The following PPL variants were observed in gnomAD, a reference collection of about 807,000 sequenced individuals.
PPL encodes 190 kDa paraneoplastic pemphigus antigen.
PPL carries 198 observed loss-of-function variants against 194.4 expected under a neutral mutation model. That is an observed-to-expected ratio of 1.02 (90% confidence interval 0.91 to 1.15). PPL has a LOEUF of 1.15. Among genes scored for constraint, PPL ranks in the 50% most tolerant of loss-of-function variants. The pLI is 0.00. For synonymous variants in PPL, 1,220 were observed against 972.4 expected (o/e 1.25, Z -4.74); for missense variants, 2,885 against 2,294.8 (o/e 1.26, Z -5.25).
chr16:4,925,093 T>C (rs1370417275), intron 1 of PPL, among the ~76,000 whole-genome samples: 3 of 152,136 alleles, frequency 2.0e-5, no homozygotes, highest in East Asian at 3.9e-4. Flanking sequence ...TGGGTGTGTA[T>C]TGGGGTTGCA....
At chr16:4,936,957 G>A (rs1157374962) in intron 1 of PPL, 27 bp downstream of exon 1, 5 of 1,579,758 alleles carry the variant, frequency 3.2e-6, no homozygotes, top group South Asian at 1.1e-5. Context: ...AGAGCGTCCC[G>A]GAGCGGAGCT....
At chr16:4,921,316 C>T (rs1057455708) in intron 1 of PPL, among the ~76,000 whole-genome samples, 42 of 152,170 alleles carry the variant, frequency 2.8e-4, no homozygotes, top group African/African-American at 8.4e-4. Context: ...GGTCTGAGCC[C>T]GCAGGCTTGA....
intron 1 of PPL, among the ~76,000 whole-genome samples, chr16:4,914,055 G>A (rs956053602): frequency 6.6e-5 from 10 of 152,178 alleles, no homozygotes; most frequent in African/African-American, 2.4e-4. Context: ...AAGGCTTCCT[G>A]GAGGAGGTGG....
intron 1 of PPL, among the ~76,000 whole-genome samples, chr16:4,918,075 C>G (rs1451842410): frequency 6.6e-6 from 1 of 151,750 alleles, no homozygotes; most frequent in African/African-American, 2.4e-5. Flanking sequence ...GGCAGATCAC[C>G]TGAGGTCAGG....
chr16:4,915,926 G>A (rs573573245), intron 1 of PPL, among the ~76,000 whole-genome samples: 2 of 152,220 alleles, frequency 1.3e-5, no homozygotes, highest in Admixed American at 6.5e-5. Context: ...TCCATGTGAC[G>A]ATCTTACAGG....
chr16:4,895,765 C>G (rs751520131), intron 9 of PPL, 49 bp from the exon 10 acceptor site: 1 of 1,611,832 alleles, frequency 6.2e-7, no homozygotes, highest in Non-Finnish European at 8.5e-7. Flanking sequence ...CTAGAAGCAC[C>G]TGGGCTTCTG....
chr16:4,916,570 A>G (rs1332624246), intron 1 of PPL, among the ~76,000 whole-genome samples: 1 of 151,966 alleles, frequency 6.6e-6, no homozygotes, highest in East Asian at 1.9e-4. Context: ...CAGTGGTGCA[A>G]TCTTAGCTCA....
rs1374965345 is a variant in PPL, at chr16:4,902,659, A to G, written c.318-133T>C. ...ACCATATGGCCTTGGGTTCCAGACA[A>G]TCACAGCATCCTCTCACCCCTCCTC... On this transcript the variant is annotated intron_variant, in intron 3 of 21. Transcript: ENST00000345988. This position sits in a 1 kb window ranked among gnomAD's most constrained non-coding sequence, Gnocchi z 4.0. The G allele has an allele frequency of 4.1e-6, 4 of 987,412 alleles. No homozygotes were observed. The highest frequency in any genetic ancestry group is 5.8e-6 in the Non-Finnish European group (4 of 694,352). The allele number at this position is 987,412 out of a possible 1,614,324, so 61.2% of individuals were successfully genotyped here. A position where few individuals can be genotyped will look rare whatever the true frequency, so the allele number is the denominator to read the frequency against.
At chr16:4,936,881 A>G in intron 1 of PPL, 103 bp downstream of exon 1, 2 of 1,183,242 alleles carry the variant, frequency 1.7e-6, no homozygotes, top group South Asian at 1.5e-5. Context: ...CGGTTCCTGG[A>G]CCCCCGTACC....
Position 4,895,639 on chromosome 16 carries a change from G to C in PPL, c.1050C>G (p.Asp350Glu). The C allele has an allele frequency of 6.2e-7, 1 of 1,614,116 alleles. No individual in the cohort carries two copies. Among genetic ancestry groups the C allele is most frequent in the South Asian group, 1.1e-5 (1 of 91,086 alleles). ...GCTCAATCTGGTACCGGTCCTTGAA[G>C]TCAGGGCCATACTTCTGGTTCAGGT... ...DSDLNQKYGP[D>E]FKDRYQIELL... The change falls in exon 10 of 22, where the codon GAC becomes GAG. Residue 350 changes from aspartate to glutamate, a missense_variant. By Grantham distance (45) the Asp-to-Glu change is conservative. Transcript: ENST00000345988.
rs2088138685 is a variant in PPL, at chr16:4,883,414, C to T, written c.5241G>A (p.Glu1747=). ...TCTGCCCAGATACCAAGACCGCCAG[C>T]TCCTGGATGGACATATCCTTGTTGA... ...RYVNKDMSIQ[E]LAVLVSGQK The change falls in exon 22 of 22, where the codon GAG becomes GAA. Residue 1747 remains glutamate, a synonymous_variant. Transcript: ENST00000345988. This position sits in a 1 kb window ranked among gnomAD's most constrained non-coding sequence, Gnocchi z 4.8. The T allele has an allele frequency of 1.2e-6, 2 of 1,614,178 alleles. No homozygotes were observed. Among genetic ancestry groups the T allele is most frequent in the Non-Finnish European group, 1.7e-6 (2 of 1,180,024 alleles).
intron 19 of PPL, 114 bp downstream of exon 19, chr16:4,888,864 G>T (rs1326375552): frequency 9.8e-7 from 1 of 1,024,954 alleles, no homozygotes; most frequent in Non-Finnish European, 1.5e-6. Context: ...CAGTGCCTCG[G>T]ATGGCCAGCT....
intron 1 of PPL, among the ~76,000 whole-genome samples, chr16:4,923,616 A>G (rs574943268): frequency 6.6e-6 from 1 of 152,210 alleles, no homozygotes; most frequent in East Asian, 1.9e-4. Flanking sequence ...GCAGGGGAGG[A>G]AACTGAGGCA....
chr16:4,898,152 T>A (rs978855754), intron 8 of PPL, among the ~76,000 whole-genome samples: 1 of 151,830 alleles, frequency 6.6e-6, no homozygotes, highest in Non-Finnish European at 1.5e-5. Context: ...CCGAGGCGGG[T>A]GGATCACCTG....
At chr16:4,911,154 TCC>T (rs1195388150) in intron 1 of PPL, among the ~76,000 whole-genome samples, 1 of 107,650 alleles carries the variant, frequency 9.3e-6, no homozygotes, top group East Asian at 3.1e-4. Context: ...GCGGTCAGCC[TCC>T]TTTTTTTTTT....
intron 19 of PPL, chr16:4,888,675 G>A (rs1291328599): frequency 7.1e-6 from 3 of 419,730 alleles, no homozygotes; most frequent in Non-Finnish European, 1.3e-5. Context: ...TTTTGCTATT[G>A]TAAATAGTGC....
intron 9 of PPL, among the ~76,000 whole-genome samples, chr16:4,896,936 G>A (rs2088441790): frequency 6.6e-6 from 1 of 152,000 alleles, no homozygotes; most frequent in Admixed American, 6.6e-5. Flanking sequence ...TGCCCAGCCA[G>A]GGTATAGGGT....
At position 4,887,230 on chromosome 16, in the gene PPL, G is replaced by A; in HGVS notation, c.2515-3C>T. Reference sequence around the variant, plus strand: ...AACTTGGCGGCAAGTGCTGCTTCCTGCAGAGAAGAGGATTAGGAGAGCGGT... The same window carrying A: ...AACTTGGCGGCAAGTGCTGCTTCCTACAGAGAAGAGGATTAGGAGAGCGGT... On this transcript the variant is annotated splice_polypyrimidine_tract_variant and splice_region_variant and intron_variant, in intron 20 of 21. Transcript: ENST00000345988. 1 of 1,610,628 alleles carries A rather than the reference G, an allele frequency of 6.2e-7. No homozygotes were observed. Among genetic ancestry groups the A allele is most frequent in the Non-Finnish European group, 8.5e-7 (1 of 1,176,878 alleles).
In PPL at chr16:4,902,652, C is replaced by G; in HGVS notation, c.318-126G>C. 9.1e-7 allele frequency: 1 copy of G among 1,100,042 alleles called. No individual in the cohort carries two copies. The allele number at this position is 1,100,042 out of a possible 1,614,324, so 68.1% of individuals were successfully genotyped here. ...CACAGTGACCATATGGCCTTGGGTT[C>G]CAGACAATCACAGCATCCTCTCACC... On this transcript the variant is annotated intron_variant, in intron 3 of 21. Transcript: ENST00000345988. This position sits in a 1 kb window ranked among gnomAD's most constrained non-coding sequence, Gnocchi z 4.0.
Sources: allele counts gnomAD v4.1 joint callset (sites outside exome capture counted in the v4.1 genomes callset), GRCh38; gene constraint gnomAD v4.1.1; non-coding constraint Gnocchi (gnomAD v3.1); transcripts MANE v1.5; gene names NCBI Gene and HGNC (gene_info 2026-07-23, HGNC 2026-07-21).